AASDH: variants seen among roughly 807,000 people sequenced by gnomAD.
AASDH encodes the protein aminoadipate-semialdehyde dehydrogenase, also known as beta-alanine-activating enzyme.
A neutral mutation model predicts 102.3 loss-of-function variants in AASDH; 81 were observed. The ratio of observed to expected loss-of-function variants is 0.79; its 90% CI spans 0.66 to 0.95. The LOEUF (loss-of-function observed/expected upper bound fraction) is 0.95. Among genes scored for constraint, AASDH ranks in the 40% least tolerant of loss-of-function variants. The pLI is 0.00. For synonymous variants in AASDH, 398 were observed against 454.0 expected, an observed-to-expected ratio of 0.88 and a Z score of 1.57; for missense variants, 1,203 against 1,266.2, an observed-to-expected ratio of 0.95 and a Z score of 0.76.
chr4:56,367,497 A>C (rs1751158093), intron 5 of AASDH, among the ~76,000 whole-genome samples: 1 of 109,704 alleles, frequency 9.1e-6, no homozygotes, highest in Non-Finnish European at 2.0e-5. Flanking sequence ...CCAAAACAGC[A>C]TGGTACTGGT....
At chr4:56,346,974 G>A (rs923332180) in intron 11 of AASDH, among the ~76,000 whole-genome samples, 3 of 151,728 alleles carry the variant, frequency 2.0e-5, no homozygotes, top group Non-Finnish European at 2.9e-5. Flanking sequence ...CCAGGAGTTC[G>A]AGGGTGTAGT....
rs938837225 is a variant in AASDH at position 56,358,162 on chromosome 4, T to C, written c.862-2739A>G. ...ACATATATATGTACAAATATATATA[T>C]AGAAATACAATTGATTTTTGTATAT... is the stretch of plus-strand genomic sequence containing the variant. On this transcript the variant is annotated intron_variant, in intron 5 of 14. Transcript: ENST00000205214. Among the ~76,000 whole-genome samples the C allele has an allele frequency of 8.6e-5, 13 of 151,982 alleles. No individual in the cohort carries two copies. The South Asian group carries it at 1.9e-3, about 22-fold the overall frequency.
At chr4:56,374,099 G>A (rs936204423) in intron 4 of AASDH, among the ~76,000 whole-genome samples, 1 of 152,070 alleles carries the variant, frequency 6.6e-6, no homozygotes, top group African/African-American at 2.4e-5. Context: ...GACATTTGAG[G>A]CTGGGCGCGG....
intron 6 of AASDH, 111 bp from the exon 7 acceptor site, chr4:56,354,922 C>T (rs1029546581): frequency 7.6e-6 from 7 of 921,056 alleles, no homozygotes; most frequent in Admixed American, 3.3e-5. Flanking sequence ...TTGTTACGCT[C>T]TAATTCAAAG....
At chr4:56,347,040 T>TAAA (rs200094597) in intron 11 of AASDH, among the ~76,000 whole-genome samples, 1 of 133,610 alleles carries the variant, frequency 7.5e-6, no homozygotes. Flanking sequence ...GACGCTGTCT[T>TAAA]AAAAAAAAAA....
At position 56,363,114 on chromosome 4, in the gene AASDH, C is replaced by G. The variant is rs549268289; in HGVS notation, c.862-7691G>C. Among the ~76,000 whole-genome samples, 6 of 152,328 alleles carry G rather than the reference C, an allele frequency of 3.9e-5. No homozygotes were observed. In the South Asian group the frequency reaches 1.2e-3, roughly 32 times the overall value. On this transcript the variant is annotated intron_variant, in intron 5 of 14. Coordinates refer to ENST00000205214, the MANE Select transcript of AASDH (RefSeq NM_181806.4). The stretch of plus-strand genomic sequence containing the variant: ...CTCGGAGGGTCCTATGCCCACGGAG[C>G]CTGGCTCATTGCTAGCACAGCAGTC...
In AASDH at chr4:56,384,327, T is replaced by C. The variant is rs562073309; in HGVS notation, c.-28A>G. ...CACTGAAGTTTATCTAAACATCAAT[T>C]TGTAGCACAGAACCCTGTGTATATA... On this transcript the variant is annotated 5_prime_UTR_variant, in exon 2 of 15. Transcript: ENST00000205214. The C allele has an allele frequency of 4.8e-5, 77 of 1,595,512 alleles. No homozygotes were observed. Among genetic ancestry groups the C allele is most frequent in the Admixed American group, 3.0e-4 (18 of 59,990 alleles).
chr4:56,387,454 G>A lies in AASDH; in HGVS notation c.-135C>T, dbSNP rs552968101. The A allele has an allele frequency of 6.6e-6, 1 of 152,360 alleles. No individual in the cohort carries two copies. Among genetic ancestry groups the A allele is most frequent in the South Asian group, 2.1e-4 (1 of 4,834 alleles). The allele number at this position is 152,360 out of a possible 1,614,324, so 9.4% of individuals were successfully genotyped here. A position where few individuals can be genotyped will look rare whatever the true frequency, so the allele number is the denominator to read the frequency against. ...TCTCACAGCGAAGCAGCAGCTCCCA[G>A]AAGCCGTAAAGCTATCCCAGAGCGA... On this transcript the variant is annotated 5_prime_UTR_variant, in exon 1 of 15. Coordinates refer to ENST00000205214, the MANE Select transcript of AASDH (RefSeq NM_181806.4).
At chr4:56,344,940 CTTTTT>C (rs11357105) in intron 12 of AASDH, among the ~76,000 whole-genome samples, 182 bp downstream of exon 12, 4 of 124,136 alleles carry the variant, frequency 3.2e-5, no homozygotes, top group African/African-American at 8.8e-5. Flanking sequence ...AATTTTCTTT[CTTTTT>C]TTTTTTTTTT....
At chr4:56,385,408 T>C (rs192047787) in intron 1 of AASDH, among the ~76,000 whole-genome samples, 92 of 152,314 alleles carry the variant, frequency 6.0e-4, no homozygotes, top group Admixed American at 1.6e-3. Context: ...ATCAATGCAA[T>C]GTTCTCTGGG....
At chr4:56,367,181 A>C (rs2109954563) in intron 5 of AASDH, among the ~76,000 whole-genome samples, 1 of 152,280 alleles carries the variant, frequency 6.6e-6, no homozygotes, top group Admixed American at 6.5e-5. Context: ...GAACTCTTCA[A>C]GGAGAACTAC....
At chr4:56,355,458 C>T in intron 5 of AASDH, 35 bp from the exon 6 acceptor site, 5 of 1,570,878 alleles carry the variant, frequency 3.2e-6, no homozygotes, top group Non-Finnish European at 4.3e-6. Flanking sequence ...ATTTATTTTC[C>T]TTCACTTCTT....
intron 5 of AASDH, among the ~76,000 whole-genome samples, chr4:56,368,481 A>C (rs1469172021): frequency 1.3e-5 from 2 of 151,454 alleles, no homozygotes; most frequent in African/African-American, 2.4e-5. Context: ...AATGTCCAAC[A>C]ATGATAGACT....
Position 56,349,681 on chromosome 4 carries a change from C to A in AASDH, c.2070G>T (p.Leu690=), listed in dbSNP as rs1198674498. ...VLSRGSQILS[L]NSTRFLTKLG... Reference sequence around the variant, plus strand: ...ACTTTGTTAAAAACCTAGTGGAATTCAGAGACAAAATTTGACTCCCTCTGC... The same window carrying A: ...ACTTTGTTAAAAACCTAGTGGAATTAAGAGACAAAATTTGACTCCCTCTGC... Residue 690 remains leucine (L), a synonymous_variant, in exon 11 of 15, where the codon CTG becomes CTT. Transcript: ENST00000205214. The A allele has an allele frequency of 6.2e-7, 1 of 1,614,178 alleles. No individual in the cohort carries two copies. The highest frequency in any genetic ancestry group is 1.3e-5 in the African/African-American group (1 of 75,048).
At chr4:56,339,986 T>G (rs888504981) in intron 14 of AASDH, among the ~76,000 whole-genome samples, 2 of 151,990 alleles carry the variant, frequency 1.3e-5, no homozygotes, top group African/African-American at 4.8e-5. Flanking sequence ...CTGGCCAACA[T>G]GGTGAAACCC....
rs143567636 is a variant in AASDH at position 56,355,346 on chromosome 4, T to G, written c.939A>C (p.Arg313=). 5.6e-6 allele frequency: 9 copies of G among 1,614,062 alleles called. No homozygotes were observed. The African/African-American group carries it at 9.3e-5, about 17-fold the overall frequency. Residue 313 remains arginine (R), a synonymous_variant, in exon 6 of 15, where the codon CGA becomes CGC. Coordinates refer to ENST00000205214, the MANE Select transcript of AASDH (RefSeq NM_181806.4). ...ACGCTTCACCACCAAGGGCTAATACTCGAAGAGAAGTAGTGGCTGACAAAA... is the reference window on the plus strand; with the variant it reads ...ACGCTTCACCACCAAGGGCTAATACGCGAAGAGAAGTAGTGGCTGACAAAA... ...STVLSATTSL[R]VLALGGEAFP...
At chr4:56,339,036 C>T (rs1230763684) in intron 14 of AASDH, among the ~76,000 whole-genome samples, 2 of 152,066 alleles carry the variant, frequency 1.3e-5, no homozygotes, top group Non-Finnish European at 2.9e-5. Context: ...CACTGCCGTG[C>T]ATAATAAGTA....
At chr4:56,362,634 T>A (rs1750443112) in intron 5 of AASDH, among the ~76,000 whole-genome samples, 1 of 152,176 alleles carries the variant, frequency 6.6e-6, no homozygotes. Context: ...GTAAATAAAA[T>A]CTATATAAGG....
rs149813934 is a variant in AASDH, at chr4:56,352,559, A to G, written c.1576+845T>C. ...CAGGCGTGCACCACTGCAATCAGCT[A>G]ATTTTTTTGTATTTTTAGTAAAGAC... On this transcript the variant is annotated intron_variant, in intron 9 of 14. Coordinates refer to ENST00000205214, the MANE Select transcript of AASDH (RefSeq NM_181806.4). Among the ~76,000 whole-genome samples, 1,382 of 152,210 alleles carry G rather than the reference A, an allele frequency of 9.1e-3. 8 individuals are homozygous for G. The highest frequency in any genetic ancestry group is 0.015 in the Non-Finnish European group (1,013 of 68,020).
Sources: gnomAD v4.1 joint callset for allele counts (sites outside exome capture counted in the v4.1 genomes callset) on GRCh38, gnomAD v4.1.1 for gene constraint, MANE v1.5 for transcripts, NCBI Gene and HGNC (gene_info 2026-07-23, HGNC 2026-07-21) for gene names.